Variants in CACNA1G observed in about 807,000 individuals in gnomAD.
The protein encoded by CACNA1G is calcium voltage-gated channel subunit alpha1 G, also known as voltage-dependent T-type calcium channel subunit alpha-1G.
In CACNA1G, 67 loss-of-function variants were observed where a neutral mutation model predicts 219.4. The ratio of observed to expected loss-of-function variants is 0.31; its 90% CI spans 0.25 to 0.37. The LOEUF (loss-of-function observed/expected upper bound fraction) is 0.37, where lower values mean the gene tolerates loss of function less well. Among genes scored for constraint, CACNA1G ranks in the 10% least tolerant of loss-of-function variants. CACNA1G has a pLI of 1.00. For missense variants in CACNA1G, 2,380 were observed against 3,231.4 expected, an observed-to-expected ratio of 0.74 and a Z score of 6.39; for synonymous variants, 1,296 against 1,345.3, an observed-to-expected ratio of 0.96 and a Z score of 0.80.
In CACNA1G at chr17:50,626,031, T is replaced by C; in HGVS notation, c.6414T>C (p.Thr2138=). The C allele has an allele frequency of 6.2e-7, 1 of 1,610,308 alleles. No individual in the cohort carries two copies. The highest frequency in any genetic ancestry group is 8.5e-7 in the Non-Finnish European group (1 of 1,177,584). ...ACCCCATATAGGCAGCAATAAGGAC[T>C]GACTCCTTGGACGTTCAGGGTCTGG... is the stretch of plus-strand genomic sequence containing the variant. ...RPLRRQAAIR[T]DSLDVQGLGS... is the part of the protein sequence containing the mutation. The change falls in exon 38 of 38, where the codon ACT becomes ACC. Residue 2138 remains threonine (T), a synonymous_variant. Coordinates refer to ENST00000359106, the MANE Select transcript of CACNA1G (RefSeq NM_018896.5). This position sits in a 1 kb window ranked among gnomAD's most constrained non-coding sequence, Gnocchi z 4.3.
intron 24 of CACNA1G, 190 bp downstream of exon 24, chr17:50,607,179 A>G: frequency 1.5e-6 from 1 of 655,796 alleles, no homozygotes; most frequent in East Asian, 2.8e-5. Flanking sequence ...CATGTTTAAC[A>G]TGTTTTGAAT....
At position 50,575,756 on chromosome 17, in the gene CACNA1G, G is replaced by T. The variant is rs1457170586; in HGVS notation, c.1354G>T (p.Ala452Ser). 2 of 1,566,990 alleles carry T rather than the reference G, an allele frequency of 1.3e-6. No homozygotes were observed. Among genetic ancestry groups the T allele is most frequent in the Non-Finnish European group, 8.6e-7 (1 of 1,156,260 alleles). Residue 452 changes from alanine (A) to serine (S), a missense_variant, in exon 8 of 38, where the codon GCT (alanine) becomes TCT (serine). By Grantham distance (99) the Ala-to-Ser change is moderately conservative (BLOSUM62 1). Transcript: ENST00000359106. ...YILRKAARRL[A>S]QVSRAAGVRV... ...CCTTCGTAAGGCAGCCCGCAGGCTG[G>T]CTCAGGTCTCTCGGGCAGCAGGTGT...
intron 9 of CACNA1G, among the ~76,000 whole-genome samples, chr17:50,589,912 C>CTCTCTCTCTCTGTGTG (rs1326523232): frequency 5.4e-4 from 77 of 141,914 alleles, no homozygotes; most frequent in African/African-American, 2.0e-3. Context: ...CTCTCTCTCT[C>CTCTCTCTCTCTGTGTG]TGTGTGTGTG....
At chr17:50,619,548 G>A in intron 33 of CACNA1G, 135 bp from the exon 34 acceptor site, 1 of 608,212 alleles carries the variant, frequency 1.6e-6, no homozygotes. Context: ...GTGCACATGT[G>A]CATGTGTGTT....
rs1204223979 is a variant in CACNA1G, at chr17:50,626,412, G to A, written c.6795G>A (p.Gln2265=). ...QRRPTSWLDE[Q]RRHSIAVSCL... is the part of the protein sequence containing the mutation. ...GGCCTACGTCCTGGCTGGATGAGCA[G>A]AGGAGACACTCTATCGCCGTCAGCT... The change falls in exon 38 of 38, where the codon CAG becomes CAA. Residue 2265 remains glutamine (Q), a synonymous_variant. Transcript: ENST00000359106. The surrounding 1 kb of genome is among the most constrained non-coding windows in gnomAD (Gnocchi z 4.3). 1 of 1,610,916 alleles carries A rather than the reference G, an allele frequency of 6.2e-7. No individual in the cohort carries two copies. Among genetic ancestry groups the A allele is most frequent in the South Asian group, 1.1e-5 (1 of 90,816 alleles).
At chr17:50,569,401 C>T (rs978061518) in intron 3 of CACNA1G, 103 bp downstream of exon 3, 5 of 1,240,830 alleles carry the variant, frequency 4.0e-6, no homozygotes, top group African/African-American at 1.5e-5. Flanking sequence ...CCAGTTACAG[C>T]ACCACTTTCT....
In CACNA1G at chr17:50,621,729, G is replaced by C; in HGVS notation, c.5995G>C (p.Ala1999Pro). ...EIVSEPSCSL[A>P]LTDDSLPDDM... is the part of the protein sequence containing the mutation. Reference sequence around the variant, plus strand: ...TGTGTCTGAACCGTCCTGCTCTCTAGCTCTGACGGATGACTCTTTGCCTGA... The same window carrying C: ...TGTGTCTGAACCGTCCTGCTCTCTACCTCTGACGGATGACTCTTTGCCTGA... The change falls in exon 35 of 38, where the codon GCT (alanine) becomes CCT (proline). Residue 1999 changes from alanine (A) to proline (P), a missense_variant. Ala to Pro is a conservative substitution (Grantham distance 27, BLOSUM62 -1). Coordinates refer to ENST00000359106, the MANE Select transcript of CACNA1G (RefSeq NM_018896.5). The surrounding 1 kb of genome is among the most constrained non-coding windows in gnomAD (Gnocchi z 4.6). The C allele has an allele frequency of 2.5e-6, 4 of 1,613,934 alleles. No homozygotes were observed. The highest frequency in any genetic ancestry group is 3.4e-6 in the Non-Finnish European group (4 of 1,179,834).
At chr17:50,577,991 G>C (rs2041094857) in intron 8 of CACNA1G, among the ~76,000 whole-genome samples, 197 bp from the exon 9 acceptor site, 1 of 152,140 alleles carries the variant, frequency 6.6e-6, no homozygotes, top group South Asian at 2.1e-4. Flanking sequence ...TCAATGAAGT[G>C]CTATTGACAT....
At chr17:50,615,641 C>A in intron 27 of CACNA1G, 129 bp downstream of exon 27, 1 of 924,874 alleles carries the variant, frequency 1.1e-6, no homozygotes, top group Non-Finnish European at 1.6e-6. Context: ...ATGGGTTCCT[C>A]TTGTGCCCCT....
chr17:50,617,842 GT>G lies in CACNA1G; in HGVS notation c.5156-15del. The stretch of plus-strand genomic sequence containing the variant: ...GGACCCAAAGAGGCCAGCTCATGAC[GT>G]TGTCCTGTTCTGCAGTGCTGAAGCT... On this transcript the variant is annotated splice_polypyrimidine_tract_variant and intron_variant, in intron 29 of 37. Coordinates refer to ENST00000359106, the MANE Select transcript of CACNA1G (RefSeq NM_018896.5). This position sits in a 1 kb window ranked among gnomAD's most constrained non-coding sequence, Gnocchi z 5.8. The G allele has an allele frequency of 6.2e-7, 1 of 1,612,746 alleles. No homozygotes were observed. The highest frequency in any genetic ancestry group is 1.1e-5 in the South Asian group (1 of 91,042).
rs1366911776 is a variant in CACNA1G at position 50,621,860 on chromosome 17, A to G, written c.6060+66A>G. The stretch of plus-strand genomic sequence containing the variant: ...GGCTGGACTGGCTGCAGGGCTCCAG[A>G]TCGGCCCAGGGAGGGTCCTGGGGCC... On this transcript the variant is annotated intron_variant, in intron 35 of 37. Transcript: ENST00000359106. The surrounding 1 kb of genome is among the most constrained non-coding windows in gnomAD (Gnocchi z 4.6). 6.3e-6 allele frequency: 10 copies of G among 1,588,398 alleles called. No individual in the cohort carries two copies. The highest frequency in any genetic ancestry group is 8.6e-6 in the Non-Finnish European group (10 of 1,165,238).
chr17:50,604,141 C>T lies in CACNA1G; in HGVS notation c.4170-14C>T. ...TGGGGGAAGCCTTATCACCTCCCTCCCTCCCCTCCCCAGGGTGATCAGCCG... is the reference window on the plus strand; with the variant it reads ...TGGGGGAAGCCTTATCACCTCCCTCTCTCCCCTCCCCAGGGTGATCAGCCG... On this transcript the variant is annotated splice_polypyrimidine_tract_variant and intron_variant, in intron 21 of 37. Transcript: ENST00000359106. The T allele has an allele frequency of 6.2e-7, 1 of 1,611,012 alleles. No homozygotes were observed.
intron 2 of CACNA1G, 68 bp from the exon 3 acceptor site, chr17:50,569,097 T>G (rs571327304): frequency 1.5e-5 from 23 of 1,580,222 alleles, no homozygotes; most frequent in African/African-American, 4.0e-5. Context: ...TGGTGGGGAC[T>G]AGGGTGGGAC....
In CACNA1G at chr17:50,619,723, G is replaced by T. The variant is rs1426870983; in HGVS notation, c.5822G>T (p.Gly1941Val). ...LFDTISLLIQ[G>V]SLEWELKLMD... The stretch of plus-strand genomic sequence containing the variant: ...GACACCATATCCCTGCTGATCCAGG[G>T]CTCCCTGGAGTGGGAGCTGAAGCTG... The change falls in exon 34 of 38, where the codon GGC becomes GTC. Residue 1941 changes from glycine to valine, a missense_variant. By Grantham distance (109) the Gly-to-Val change is moderately radical. Around this residue, in one of 17 missense-constraint regions of CACNA1G, gnomAD observed 672 missense variants for 670.5 expected, o/e 1.00. Coordinates refer to ENST00000359106, the MANE Select transcript of CACNA1G (RefSeq NM_018896.5). The T allele has an allele frequency of 1.2e-6, 2 of 1,610,544 alleles. No individual in the cohort carries two copies. Among genetic ancestry groups the T allele is most frequent in the Non-Finnish European group, 1.7e-6 (2 of 1,179,390 alleles).
At chr17:50,619,436 C>T (rs1481054459) in intron 33 of CACNA1G, among the ~76,000 whole-genome samples, 6 of 152,068 alleles carry the variant, frequency 3.9e-5, no homozygotes, top group African/African-American at 1.4e-4. Flanking sequence ...CCGCCGTGGG[C>T]TCTGCTCATT....
In CACNA1G at chr17:50,599,599, G is replaced by A. The variant is rs773526768; in HGVS notation, c.3430G>A (p.Glu1144Lys). The A allele has an allele frequency of 6.7e-5, 108 of 1,613,182 alleles. No homozygotes were observed. The highest frequency in any genetic ancestry group is 8.5e-5 in the Non-Finnish European group (100 of 1,179,658). Residue 1144 changes from glutamate to lysine, a missense_variant, in exon 17 of 38, where the codon GAG becomes AAG. Around this residue, in one of 17 missense-constraint regions of CACNA1G, gnomAD observed 418 missense variants for 434.3 expected, o/e 0.96. Coordinates refer to ENST00000359106, the MANE Select transcript of CACNA1G (RefSeq NM_018896.5). ...AGGCCAGGAGAGCCAGGATGAAGAG[G>A]AGAGCTCAGAAGAGGAGCGGGCCAG... ...GEGQESQDEE[E>K]SSEEERASPA...
At chr17:50,616,023 CAT>C (rs1168722552) in intron 27 of CACNA1G, among the ~76,000 whole-genome samples, 2 of 152,230 alleles carry the variant, frequency 1.3e-5, no homozygotes, top group Non-Finnish European at 2.9e-5. Flanking sequence ...AGTACATTCT[CAT>C]GTGATCTCCT....
At chr17:50,593,012 G>A (rs1479235417) in intron 13 of CACNA1G, among the ~76,000 whole-genome samples, 14 of 152,310 alleles carry the variant, frequency 9.2e-5, no homozygotes, top group Non-Finnish European at 1.5e-4. Context: ...GGGGTGCAGC[G>A]TATCTGTCCC....
In CACNA1G at chr17:50,621,227, G is replaced by T. The variant is rs1416344089; in HGVS notation, c.5926-433G>T. The stretch of plus-strand genomic sequence containing the variant: ...GCGCCCCCCGTGCCGCTCTGTCTGT[G>T]CCGGGAGGAGAGACAGTGCTTTGCT... On this transcript the variant is annotated intron_variant, in intron 34 of 37. Coordinates refer to ENST00000359106, the MANE Select transcript of CACNA1G (RefSeq NM_018896.5). This position sits in a 1 kb window ranked among gnomAD's most constrained non-coding sequence, Gnocchi z 4.6. 6.6e-6 allele frequency among the ~76,000 whole-genome samples: 1 copy of T among 152,078 alleles called. No individual in the cohort carries two copies. Among genetic ancestry groups the T allele is most frequent in the Non-Finnish European group, 1.5e-5 (1 of 68,006 alleles).
Sources: gnomAD v4.1 joint callset for allele counts (sites outside exome capture counted in the v4.1 genomes callset) on GRCh38, gnomAD v4.1.1 for gene constraint, gnomAD v4.1.1 regional missense constraint, Gnocchi (gnomAD v3.1) non-coding constraint, MANE v1.5 for transcripts, NCBI Gene and HGNC (gene_info 2026-07-23, HGNC 2026-07-21) for gene names.